Variants in CTNNA2 observed in about 807,000 individuals in gnomAD.
The protein encoded by CTNNA2 is catenin alpha-2.
A neutral mutation model predicts 101.0 loss-of-function variants in CTNNA2; 42 were observed. The observed-to-expected ratio is 0.42, with a 90% CI of 0.32 to 0.54. The LOEUF is 0.54. Among genes scored for constraint, CTNNA2 ranks in the 20% least tolerant of loss-of-function variants. The probability of loss-of-function intolerance (pLI) is 0.14; values close to 1 mark genes in which losing one functional copy is unlikely to be tolerated. For missense variants in CTNNA2, 871 were observed against 1,223.1 expected, an observed-to-expected ratio of 0.71 and a Z score of 4.29; for synonymous variants, 450 against 456.4, an observed-to-expected ratio of 0.99 and a Z score of 0.18.
At chr2:79,769,074 C>G (rs911334596) in intron 3 of CTNNA2, among the ~76,000 whole-genome samples, 1 of 152,142 alleles carries the variant, frequency 6.6e-6, no homozygotes, top group African/African-American at 2.4e-5. Flanking sequence ...CCAGGATGGT[C>G]TCGATCTCCT....
At chr2:80,546,740 T>G (rs1404650166) in intron 11 of CTNNA2, among the ~76,000 whole-genome samples, 1 of 152,228 alleles carries the variant, frequency 6.6e-6, no homozygotes, top group Non-Finnish European at 1.5e-5. Flanking sequence ...GGAGTCCATT[T>G]CAAGATTTGT....
chr2:80,224,008 A>C (rs72928706), intron 7 of CTNNA2, among the ~76,000 whole-genome samples: 1,729 of 152,298 alleles, frequency 0.011, 31 homozygotes, highest in African/African-American at 0.037. Flanking sequence ...ATTGGCACTC[A>C]GTGCTCTTAG....
Position 79,194,808 on chromosome 2 carries a change from T to C in CTNNA2, c.-523-3151T>C, listed in dbSNP as rs562272082. Among the ~76,000 whole-genome samples the C allele has an allele frequency of 1.2e-3, 188 of 152,340 alleles. 1 individual carries two copies. The highest frequency in any genetic ancestry group is 4.0e-3 in the African/African-American group (168 of 41,588). On this transcript the variant is annotated intron_variant, in intron 1 of 21. Coordinates refer to the CTNNA2 transcript ENST00000466387. ...TTCACAAAAATGTCTAATTTACTTA[T>C]AAAAGCACAATCATTTCAGAGACAC...
chr2:79,207,493 C>A (rs10173485), intron 2 of CTNNA2, among the ~76,000 whole-genome samples: 4,178 of 152,136 alleles, frequency 0.027, 97 homozygotes, highest in Non-Finnish European at 0.038. Context: ...CACAGTGGGC[C>A]CTCATTTAAA....
At chr2:80,060,533 C>T (rs530756465) in intron 7 of CTNNA2, among the ~76,000 whole-genome samples, 15 of 152,298 alleles carry the variant, frequency 9.8e-5, no homozygotes, top group Middle Eastern at 3.4e-3. Flanking sequence ...CCTGGCTCCT[C>T]GCGTGCCTAC....
chr2:80,231,520 A>G (rs1709210355), intron 7 of CTNNA2, among the ~76,000 whole-genome samples: 1 of 152,226 alleles, frequency 6.6e-6, no homozygotes. Flanking sequence ...CAGGTCCCAG[A>G]GAACCCAAAG....
chr2:80,153,151 C>T (rs898319088), intron 7 of CTNNA2, among the ~76,000 whole-genome samples: 8 of 152,162 alleles, frequency 5.3e-5, no homozygotes, highest in Non-Finnish European at 1.2e-4. Context: ...ATGCTTGTGC[C>T]GGGAAAGGCA....
At chr2:79,264,237 T>C (rs988136755) in intron 2 of CTNNA2, among the ~76,000 whole-genome samples, 2 of 152,152 alleles carry the variant, frequency 1.3e-5, no homozygotes, top group African/African-American at 4.8e-5. Flanking sequence ...CAGTTGTATC[T>C]AAAGGGCTAA....
chr2:80,427,775 A>G (rs1013650745), intron 9 of CTNNA2, among the ~76,000 whole-genome samples: 2 of 152,226 alleles, frequency 1.3e-5, no homozygotes, highest in Non-Finnish European at 2.9e-5. Flanking sequence ...GCTCTTCTCA[A>G]TTAATCCTTC....
intron 1 of CTNNA2, among the ~76,000 whole-genome samples, chr2:79,560,657 A>G (rs1674719652): frequency 6.6e-6 from 1 of 151,994 alleles, no homozygotes; most frequent in Non-Finnish European, 1.5e-5. Flanking sequence ...TAGAAAAAGC[A>G]GATTTCTTAA....
At chr2:80,558,907 C>T (rs1345525852) in intron 12 of CTNNA2, among the ~76,000 whole-genome samples, 1 of 152,150 alleles carries the variant, frequency 6.6e-6, no homozygotes, top group African/African-American at 2.4e-5. Flanking sequence ...TTGAGTCAGA[C>T]ATGCTCAACC....
intron 7 of CTNNA2, among the ~76,000 whole-genome samples, chr2:79,947,086 AG>A (rs1466653988): frequency 3.3e-5 from 5 of 152,240 alleles, no homozygotes; most frequent in Admixed American, 3.3e-4. Flanking sequence ...CAGGTCTAAA[AG>A]TACTGCCTTG....
At chr2:79,504,265 G>A (rs1472606421) in intron 4 of CTNNA2, among the ~76,000 whole-genome samples, 1 of 151,938 alleles carries the variant, frequency 6.6e-6, no homozygotes, top group African/African-American at 2.4e-5. Context: ...AAAGATAGTG[G>A]TTAAATTTAC....
At chr2:79,518,398 CAG>C (rs1383123360) in intron 1 of CTNNA2, among the ~76,000 whole-genome samples, 1 of 152,156 alleles carries the variant, frequency 6.6e-6, no homozygotes, top group African/African-American at 2.4e-5. Flanking sequence ...TCAAGGGCCA[CAG>C]AGCCATAATA....
intron 7 of CTNNA2, among the ~76,000 whole-genome samples, chr2:80,018,638 G>A (rs547484334): frequency 1.4e-4 from 21 of 152,140 alleles, no homozygotes; most frequent in East Asian, 3.9e-4. Flanking sequence ...AAAATTAGCC[G>A]GGCGTGGTGG....
chr2:79,924,258 A>T (rs1686873128), intron 7 of CTNNA2, among the ~76,000 whole-genome samples: 1 of 152,076 alleles, frequency 6.6e-6, no homozygotes, highest in Non-Finnish European at 1.5e-5. Context: ...TCTTTATTCC[A>T]GGAGAAGCTG....
chr2:79,334,796 G>A (rs987635045), intron 3 of CTNNA2, among the ~76,000 whole-genome samples: 3 of 152,090 alleles, frequency 2.0e-5, no homozygotes, highest in African/African-American at 7.2e-5. Flanking sequence ...TTCAAGTTTT[G>A]GAGGTCATTT....
rs571148562 is a variant in CTNNA2, at chr2:79,392,017, C to A, written c.-135+18004C>A. On this transcript the variant is annotated intron_variant, in intron 4 of 21. Coordinates refer to the CTNNA2 transcript ENST00000466387. Reference sequence around the variant, plus strand: ...GATTTCTTCCTCTAAGAACACCAGTCCAATTGGATTAGGGCTGCAACCCTC... The same window carrying A: ...GATTTCTTCCTCTAAGAACACCAGTACAATTGGATTAGGGCTGCAACCCTC... Among the ~76,000 whole-genome samples, 10 of 152,246 alleles carry A rather than the reference C, an allele frequency of 6.6e-5. No homozygotes were observed. In the South Asian group the frequency reaches 2.1e-3, roughly 32 times the overall value.
Position 79,665,531 on chromosome 2 carries a change from T to A in CTNNA2, c.102+13873T>A, listed in dbSNP as rs1682353932. 2.0e-5 allele frequency among the ~76,000 whole-genome samples: 3 copies of A among 152,334 alleles called. No homozygotes were observed. In the South Asian group the frequency reaches 6.2e-4, roughly 32 times the overall value. The stretch of plus-strand genomic sequence containing the variant: ...TGCCCTCCTCTGAGAAATGGGACTG[T>A]CTCTTGTTTCCCAGTCTCTCTGTCT... On this transcript the variant is annotated intron_variant, in intron 2 of 18. Coordinates refer to ENST00000402739, the MANE Select transcript of CTNNA2 (RefSeq NM_001282597.3).
Sources: gnomAD v4.1 joint callset for allele counts (sites outside exome capture counted in the v4.1 genomes callset) on GRCh38, gnomAD v4.1.1 for gene constraint, MANE v1.5 for transcripts, NCBI Gene and HGNC (gene_info 2026-07-23, HGNC 2026-07-21) for gene names.